PPARGC1B: variants seen among roughly 807,000 people sequenced by gnomAD.
PPARGC1B encodes the protein peroxisome proliferator-activated receptor gamma coactivator 1-beta.
In PPARGC1B, 34 loss-of-function variants were observed where a neutral mutation model predicts 101.6. The observed-to-expected ratio is 0.33, with a 90% CI of 0.25 to 0.45. The LOEUF is 0.45. Among genes scored for constraint, PPARGC1B ranks in the 20% least tolerant of loss-of-function variants. The pLI is 1.00. For missense variants in PPARGC1B, 1,234 were observed against 1,317.6 expected, an observed-to-expected ratio of 0.94 and a Z score of 0.98; for synonymous variants, 548 against 539.3, an observed-to-expected ratio of 1.02 and a Z score of -0.22.
intron 1 of PPARGC1B, among the ~76,000 whole-genome samples, chr5:149,809,354 GATAGA>G (rs1561567663): frequency 2.7e-4 from 14 of 51,694 alleles, no homozygotes; most frequent in East Asian, 3.8e-4. Context: ...CTCTACCATA[GATAGA>G]TAGATAGATA....
chr5:149,778,112 G>C (rs4705376), intron 1 of PPARGC1B, among the ~76,000 whole-genome samples: 16,191 of 25,318 alleles, frequency 0.64, 5,154 homozygotes, highest in African/African-American at 0.74. Context: ...CACACACACA[G>C]AGTACCCAGC....
intron 1 of PPARGC1B, chr5:149,818,947 C>G: frequency 2.2e-6 from 1 of 450,946 alleles, no homozygotes; most frequent in East Asian, 7.0e-5. Context: ...CTGCCAGGCC[C>G]CAGGGCCAAC....
rs1431861299 is a variant in PPARGC1B at position 149,833,768 on chromosome 5, C to G, written c.1695C>G (p.Leu565=). ...DMDEDPSCPQ[L]PPRDSPRCLM... is the part of the protein sequence containing the mutation. ...ATGAGGACCCCAGCTGCCCGCAGCT[C>G]CCTCCCAGAGGTAGTCAGAGTTGGT... The change falls in exon 5 of 12, where the codon CTC becomes CTG. Residue 565 remains leucine (L), a synonymous_variant. Coordinates refer to ENST00000309241, the MANE Select transcript of PPARGC1B (RefSeq NM_133263.4). This position sits in a 1 kb window ranked among gnomAD's most constrained non-coding sequence, Gnocchi z 4.1. 3 of 1,528,956 alleles carry G rather than the reference C, an allele frequency of 2.0e-6. No individual in the cohort carries two copies. Among genetic ancestry groups the G allele is most frequent in the Non-Finnish European group, 2.6e-6 (3 of 1,142,804 alleles). 94.7% of individuals were successfully genotyped at this position (1,528,956 alleles called of 1,614,324 possible).
chr5:149,837,931 C>T lies in PPARGC1B; in HGVS notation c.2618+858C>T, dbSNP rs1448441060. Reference sequence around the variant, plus strand: ...CAGGATTTGTTGCGCCTCCACTGGCCGGCCCACACCCGGGTGTCTGATCTG... The same window carrying T: ...CAGGATTTGTTGCGCCTCCACTGGCTGGCCCACACCCGGGTGTCTGATCTG... On this transcript the variant is annotated intron_variant, in intron 8 of 11. Coordinates refer to ENST00000309241, the MANE Select transcript of PPARGC1B (RefSeq NM_133263.4). This position sits in a 1 kb window ranked among gnomAD's most constrained non-coding sequence, Gnocchi z 4.2. Among the ~76,000 whole-genome samples, 1 of 152,014 alleles carries T rather than the reference C, an allele frequency of 6.6e-6. No individual in the cohort carries two copies. Among genetic ancestry groups the T allele is most frequent in the African/African-American group, 2.4e-5 (1 of 41,374 alleles).
intron 10 of PPARGC1B, 150 bp downstream of exon 10, chr5:149,842,527 AC>A: frequency 9.2e-7 from 1 of 1,089,954 alleles, no homozygotes; most frequent in Non-Finnish European, 1.3e-6. Flanking sequence ...CATGAGAAGG[AC>A]CAGAAATGGT....
At position 149,836,694 on chromosome 5, in the gene PPARGC1B, G is replaced by T. The variant is rs374392758; in HGVS notation, c.2239G>T (p.Ala747Ser). The change falls in exon 8 of 12, where the codon GCC becomes TCC. Residue 747 changes from alanine (A) to serine (S), a missense_variant. By Grantham distance (99) the Ala-to-Ser change is moderately conservative (BLOSUM62 1). This residue lies in a region of PPARGC1B where 497 missense variants were observed against 529.5 expected (regional missense o/e 0.94). Coordinates refer to ENST00000309241, the MANE Select transcript of PPARGC1B (RefSeq NM_133263.4). ...GGAAGACAGAAGCTGTGATGCTGGC[G>T]CCCCACCCAAGGACAGCACGCTGCT... ...REEDRSCDAGAPPKDSTLLRD... is the reference protein window; with the variant it reads ...REEDRSCDAGSPPKDSTLLRD... 1.9e-6 allele frequency: 3 copies of T among 1,613,670 alleles called. No individual in the cohort carries two copies. The highest frequency in any genetic ancestry group is 1.7e-5 in the Admixed American group (1 of 60,034).
rs1310402717 is a variant in PPARGC1B, at chr5:149,832,921, A to G, written c.848A>G (p.Asp283Gly). The part of the protein sequence containing the change: ...ADPGAPVSQE[D>G]MQAMVQLIRY... ...CCCGGTGCCCCGGTTTCCCAGGAAG[A>G]CATGCAGGCGATGGTGCAACTCATA... The change falls in exon 5 of 12, where the codon GAC becomes GGC. Residue 283 changes from aspartate to glycine, a missense_variant. Physicochemically the swap from Asp to Gly is moderately conservative, Grantham distance 94. Around this residue, in one of 3 missense-constraint regions of PPARGC1B, gnomAD observed 734 missense variants for 768.4 expected, o/e 0.96. Coordinates refer to ENST00000309241, the MANE Select transcript of PPARGC1B (RefSeq NM_133263.4). The surrounding 1 kb of genome is among the most constrained non-coding windows in gnomAD (Gnocchi z 4.9). The G allele has an allele frequency of 1.9e-6, 3 of 1,613,162 alleles. No homozygotes were observed. The highest frequency in any genetic ancestry group is 1.7e-6 in the Non-Finnish European group (2 of 1,180,000).
At chr5:149,781,781 A>G (rs77900362) in intron 1 of PPARGC1B, among the ~76,000 whole-genome samples, 2,635 of 152,144 alleles carry the variant, frequency 0.017, 87 homozygotes, top group African/African-American at 0.061. Flanking sequence ...CAAGGCAGAC[A>G]TCGCTAATCA....
At chr5:149,781,824 T>G (rs1335521972) in intron 1 of PPARGC1B, among the ~76,000 whole-genome samples, 1 of 152,188 alleles carries the variant, frequency 6.6e-6, no homozygotes, top group Non-Finnish European at 1.5e-5. Flanking sequence ...ATCTTGGATA[T>G]ATGGTCTCAT....
chr5:149,799,718 A>G, intron 1 of PPARGC1B, among the ~76,000 whole-genome samples: 1 of 20,942 alleles, frequency 4.8e-5, no homozygotes, highest in African/African-American at 1.9e-4. Context: ...TTTTTTTGAG[A>G]CGAAGTCTTG....
At chr5:149,842,111 T>C in intron 9 of PPARGC1B, 145 bp from the exon 10 acceptor site, 1 of 1,047,596 alleles carries the variant, frequency 9.5e-7, no homozygotes, top group Non-Finnish European at 1.4e-6. Flanking sequence ...GAGATTGGCA[T>C]TGTCCTCTCT....
rs151255921 is a variant in PPARGC1B, at chr5:149,783,756, T to G, written c.79-36677T>G. 2.0e-3 allele frequency among the ~76,000 whole-genome samples: 310 copies of G among 152,270 alleles called. 2 individuals carry two copies. The highest frequency in any genetic ancestry group is 7.0e-3 in the African/African-American group (291 of 41,550). ...GAGTGTCGCTAAGGCCCTTATTGAT[T>G]TGATGGTCTGTTATTCCTGTTGTTC... On this transcript the variant is annotated intron_variant, in intron 1 of 11. Coordinates refer to ENST00000309241, the MANE Select transcript of PPARGC1B (RefSeq NM_133263.4).
intron 1 of PPARGC1B, among the ~76,000 whole-genome samples, chr5:149,811,629 T>C (rs1326825191): frequency 6.6e-6 from 1 of 152,178 alleles, no homozygotes; most frequent in African/African-American, 2.4e-5. Context: ...TGGGGAGTGT[T>C]GGTTAACCAA....
chr5:149,769,822 A>G (rs1756056760), intron 1 of PPARGC1B, among the ~76,000 whole-genome samples: 1 of 151,772 alleles, frequency 6.6e-6, no homozygotes, highest in South Asian at 2.1e-4. Flanking sequence ...CCCTTCACTT[A>G]TCTCCTTCTC....
chr5:149,843,573 A>C (rs1248097793), intron 10 of PPARGC1B, among the ~76,000 whole-genome samples: 1 of 152,220 alleles, frequency 6.6e-6, no homozygotes, highest in African/African-American at 2.4e-5. Flanking sequence ...CGATGTGGAA[A>C]ACAGTATGGC....
rs116783623 is a variant in PPARGC1B at position 149,813,040 on chromosome 5, G to A, written c.79-7393G>A. Among the ~76,000 whole-genome samples, 568 of 152,274 alleles carry A rather than the reference G, an allele frequency of 3.7e-3. 8 individuals are homozygous for A. Among genetic ancestry groups the A allele is most frequent in the African/African-American group, 0.013 (544 of 41,556 alleles). On this transcript the variant is annotated intron_variant, in intron 1 of 11. Transcript: ENST00000309241. ...TCCTAGAAGGTAAGTAGAGGCGCAG[G>A]GTCATAATGTAGAGTAGGCCCCTTC...
chr5:149,847,663 T>TG lies in PPARGC1B; in HGVS notation c.*106dup. 1.2e-6 allele frequency: 1 copy of TG among 812,484 alleles called. No individual in the cohort carries two copies. Among genetic ancestry groups the TG allele is most frequent in the Non-Finnish European group, 2.0e-6 (1 of 492,868 alleles). The allele number at this position is 812,484 out of a possible 1,614,324, so 50.3% of individuals were successfully genotyped here. ...AGTATATGAGGAGAGCGAGCGAGCG[T>TG]GAGAGAACACCCGTGAGAGAGACTT... On this transcript the variant is annotated 3_prime_UTR_variant, in exon 12 of 12. Coordinates refer to ENST00000309241, the MANE Select transcript of PPARGC1B (RefSeq NM_133263.4).
rs951009606 is a variant in PPARGC1B, at chr5:149,730,577, C to G, written c.78+157C>G. Among the ~76,000 whole-genome samples the G allele has an allele frequency of 6.6e-6, 1 of 152,082 alleles. No individual in the cohort carries two copies. The highest frequency in any genetic ancestry group is 2.4e-5 in the African/African-American group (1 of 41,430). ...CCTTCCAGGCGCCCTGCGATGCGCT[C>G]CGTTACCGGGGCAGGGAGCCGGAGG... On this transcript the variant is annotated intron_variant, in intron 1 of 11. Coordinates refer to ENST00000309241, the MANE Select transcript of PPARGC1B (RefSeq NM_133263.4). The surrounding 1 kb of genome is among the most constrained non-coding windows in gnomAD (Gnocchi z 4.0).
At chr5:149,758,641 A>T (rs964199828) in intron 1 of PPARGC1B, among the ~76,000 whole-genome samples, 16 of 152,164 alleles carry the variant, frequency 1.1e-4, no homozygotes, top group Admixed American at 7.9e-4. Context: ...GGTACAACAC[A>T]TGCCCCCAGG....
Sources: allele counts gnomAD v4.1 joint callset (sites outside exome capture counted in the v4.1 genomes callset), GRCh38; gene constraint gnomAD v4.1.1; regional missense constraint gnomAD v4.1.1; non-coding constraint Gnocchi (gnomAD v3.1); transcripts MANE v1.5; gene names NCBI Gene and HGNC (gene_info 2026-07-23, HGNC 2026-07-21).